Variants in PPA2 observed in about 807,000 individuals in gnomAD.
The protein encoded by PPA2 is inorganic pyrophosphatase 2, also known as inorganic pyrophosphatase 2, mitochondrial.
A neutral mutation model predicts 49.5 loss-of-function variants in PPA2; 48 were observed. The ratio of observed to expected loss-of-function variants is 0.97; its 90% CI spans 0.77 to 1.23. PPA2 has a LOEUF of 1.23. Among genes scored for constraint, PPA2 ranks in the 50% most tolerant of loss-of-function variants. The probability of loss-of-function intolerance (pLI) is 0.00; values close to 1 mark genes in which losing one functional copy is unlikely to be tolerated. For synonymous variants in PPA2, 131 were observed against 139.9 expected, an observed-to-expected ratio of 0.94 and a Z score of 0.45; for missense variants, 429 against 410.1, an observed-to-expected ratio of 1.05 and a Z score of -0.40.
At chr4:105,430,758 T>C (rs1007126566) in intron 6 of PPA2, among the ~76,000 whole-genome samples, 2 of 152,190 alleles carry the variant, frequency 1.3e-5, no homozygotes, top group Admixed American at 1.3e-4. Flanking sequence ...TAGATAAGGG[T>C]AGTGAAATAT....
chr4:105,437,248 G>A (rs28621006), intron 6 of PPA2, among the ~76,000 whole-genome samples: 33 of 111,636 alleles, frequency 3.0e-4, no homozygotes, highest in African/African-American at 8.5e-4. Context: ...AAGTTTTTAT[G>A]TGCTGGTTTC....
At chr4:105,388,637 T>A (rs1733775039) in intron 9 of PPA2, among the ~76,000 whole-genome samples, 1 of 151,824 alleles carries the variant, frequency 6.6e-6, no homozygotes, top group Non-Finnish European at 1.5e-5. Flanking sequence ...CCAGCCTGGC[T>A]AGCATGGTGA....
chr4:105,390,303 T>C (rs749009369), intron 9 of PPA2, among the ~76,000 whole-genome samples: 2 of 149,678 alleles, frequency 1.3e-5, no homozygotes, highest in African/African-American at 2.6e-5. Flanking sequence ...AAAGCCAAAA[T>C]TGGTAAGTGG....
intron 7 of PPA2, among the ~76,000 whole-genome samples, chr4:105,415,005 C>T (rs549890739): frequency 1.3e-5 from 2 of 152,106 alleles, no homozygotes; most frequent in African/African-American, 2.4e-5. Flanking sequence ...TAGCTCCTAA[C>T]GCAGGCAGGT....
At chr4:105,399,778 T>C (rs1734286374) in intron 7 of PPA2, 1 of 152,212 alleles carries the variant, frequency 6.6e-6, no homozygotes, top group African/African-American at 2.4e-5. Context: ...TACACAGCAA[T>C]CTCCCTTTAT....
At chr4:105,449,695 T>A (rs956209120) in intron 3 of PPA2, among the ~76,000 whole-genome samples, 1 of 152,160 alleles carries the variant, frequency 6.6e-6, no homozygotes, top group Non-Finnish European at 1.5e-5. Context: ...AAGAAATGTG[T>A]TTCAATTTTT....
chr4:105,459,548 C>T (rs1723002657), intron 1 of PPA2, among the ~76,000 whole-genome samples: 1 of 152,068 alleles, frequency 6.6e-6, no homozygotes, highest in Non-Finnish European at 1.5e-5. Context: ...AGCATGTGAC[C>T]CAGAAATCCC....
rs779735051 is a variant in PPA2 at position 105,462,208 on chromosome 4, T to TA, written c.158-5464dup. 1.3e-3 allele frequency among the ~76,000 whole-genome samples: 193 copies of TA among 144,898 alleles called. 1 individual carries two copies. Among genetic ancestry groups the TA allele is most frequent in the Non-Finnish European group, 1.3e-3 (82 of 65,580 alleles). On this transcript the variant is annotated intron_variant, in intron 1 of 11. Transcript: ENST00000341695. ...CAGTAGAACTTATCTAGCACTAGGT[T>TA]AAAAAAAAAAAAGTGGTAGAACTGA...
intron 6 of PPA2, among the ~76,000 whole-genome samples, chr4:105,435,744 T>C (rs1724025760): frequency 1.3e-5 from 2 of 152,126 alleles, no homozygotes; most frequent in African/African-American, 4.8e-5. Context: ...AAGCACGTGA[T>C]AAAATTCAAC....
At chr4:105,402,927 A>C (rs1018170781) in intron 7 of PPA2, among the ~76,000 whole-genome samples, 1 of 152,316 alleles carries the variant, frequency 6.6e-6, no homozygotes, top group African/African-American at 2.4e-5. Flanking sequence ...ATAATAAACC[A>C]GTAAAGATGA....
chr4:105,433,521 C>A (rs1033760949), intron 6 of PPA2, among the ~76,000 whole-genome samples: 2 of 152,180 alleles, frequency 1.3e-5, no homozygotes, highest in African/African-American at 2.4e-5. Context: ...TTGGTGCCAA[C>A]TCACAGAAGC....
chr4:105,431,730 G>A (rs1360680546), intron 6 of PPA2, among the ~76,000 whole-genome samples: 1 of 152,138 alleles, frequency 6.6e-6, no homozygotes, highest in Non-Finnish European at 1.5e-5. Flanking sequence ...TTATCCATCA[G>A]CAGAATATTA....
chr4:105,381,711 T>C (rs1733496989), intron 10 of PPA2, among the ~76,000 whole-genome samples: 2 of 152,164 alleles, frequency 1.3e-5, no homozygotes, highest in African/African-American at 2.4e-5. Flanking sequence ...CCTGTAGTTA[T>C]GTCTTCATTT....
Position 105,396,688 on chromosome 4 carries a change from T to C in PPA2, c.784-354A>G, listed in dbSNP as rs770131435. ...GGCCTATGCTGCTCTAGTACTACGA[T>C]AGCAGAGTTGAGCAGCTGTGACAGA... On this transcript the variant is annotated intron_variant, in intron 8 of 11. Transcript: ENST00000341695. Among the ~76,000 whole-genome samples the C allele has an allele frequency of 9.2e-5, 14 of 152,270 alleles. No individual in the cohort carries two copies. The East Asian group carries it at 1.7e-3, about 19-fold the overall frequency.
At chr4:105,435,776 T>C (rs563519817) in intron 6 of PPA2, among the ~76,000 whole-genome samples, 1 of 152,246 alleles carries the variant, frequency 6.6e-6, no homozygotes, top group East Asian at 1.9e-4. Flanking sequence ...ATAAAAACCT[T>C]CAACGAACTA....
chr4:105,411,363 A>G (rs1462210949), intron 7 of PPA2, among the ~76,000 whole-genome samples: 2 of 152,238 alleles, frequency 1.3e-5, no homozygotes, highest in African/African-American at 4.8e-5. Flanking sequence ...AGAGCTAACT[A>G]TCCTAAATAT....
At chr4:105,377,849 T>C (rs1294530409) in intron 10 of PPA2, among the ~76,000 whole-genome samples, 1 of 152,124 alleles carries the variant, frequency 6.6e-6, no homozygotes, top group Non-Finnish European at 1.5e-5. Flanking sequence ...GATTCAGCCA[T>C]GTTGTGGCAT....
rs771303141 is a variant in PPA2, at chr4:105,446,414, C to A, written c.410G>T (p.Gly137Val). The change falls in exon 5 of 12, where the codon GGT becomes GTT. Residue 137 changes from glycine to valine, a missense_variant. Transcript: ENST00000341695. Reference protein sequence around the residue: ...RYVANIFPYKGYIWNYGTLPQ... With the variant: ...RYVANIFPYKVYIWNYGTLPQ... ...GAGGGTACCATAATTCCATATATAA[C>A]CCTTGTAAGGGAAGATATTCGCCAC... 3 of 1,603,530 alleles carry A rather than the reference C, an allele frequency of 1.9e-6. No homozygotes were observed. In the African/African-American group the frequency reaches 4.0e-5, roughly 22 times the overall value.
intron 10 of PPA2, among the ~76,000 whole-genome samples, chr4:105,383,783 C>T (rs1357967865): frequency 2.0e-5 from 3 of 152,026 alleles, no homozygotes; most frequent in Non-Finnish European, 2.9e-5. Flanking sequence ...TTCTAAGCTA[C>T]TAACAAATTT....
Sources: gnomAD v4.1 joint callset for allele counts (sites outside exome capture counted in the v4.1 genomes callset) on GRCh38, gnomAD v4.1.1 for gene constraint, MANE v1.5 for transcripts, NCBI Gene and HGNC (gene_info 2026-07-23, HGNC 2026-07-21) for gene names.